The following MELK variants were observed in gnomAD, a reference collection of about 807,000 sequenced individuals.
MELK encodes maternal embryonic leucine zipper kinase, also known as pEg3 kinase.
Under a neutral mutation model 85.0 loss-of-function variants are expected in MELK, and 81 were observed. That is an observed-to-expected ratio of 0.95 (90% CI 0.80 to 1.15). The LOEUF is 1.15. MELK is among the 50% of genes most tolerant of loss of function. The probability of loss-of-function intolerance (pLI) is 0.00; values close to 1 mark genes in which losing one functional copy is unlikely to be tolerated. For missense variants in MELK, 754 were observed against 777.5 expected, an observed-to-expected ratio of 0.97 and a Z score of 0.36; for synonymous variants, 252 against 265.0, an observed-to-expected ratio of 0.95 and a Z score of 0.48.
intron 6 of MELK, among the ~76,000 whole-genome samples, chr9:36,598,270 G>A (rs927388019): frequency 6.6e-6 from 1 of 151,826 alleles, no homozygotes; most frequent in East Asian, 1.9e-4. Context: ...GTTCTCCATG[G>A]GAGGCAGTGG....
At chr9:36,653,886 T>A (rs1042602297) in intron 12 of MELK, among the ~76,000 whole-genome samples, 6 of 152,208 alleles carry the variant, frequency 3.9e-5, no homozygotes, top group Non-Finnish European at 5.9e-5. Flanking sequence ...TTAGATCTCC[T>A]TTTGGTACTC....
At chr9:36,663,165 C>G (rs1235735985) in intron 13 of MELK, among the ~76,000 whole-genome samples, 1 of 151,878 alleles carries the variant, frequency 6.6e-6, no homozygotes, top group Non-Finnish European at 1.5e-5. Context: ...ACTGCAACCT[C>G]TGCTTCCCAG....
At chr9:36,614,431 T>TTTTGG (rs796320448) in intron 8 of MELK, among the ~76,000 whole-genome samples, 1 of 109,150 alleles carries the variant, frequency 9.2e-6, no homozygotes. Context: ...TTGGGTTTTT[T>TTTTGG]TTTTTTTTTT....
intron 7 of MELK, among the ~76,000 whole-genome samples, chr9:36,605,910 G>C (rs933754829): frequency 1.1e-4 from 16 of 148,752 alleles, no homozygotes; most frequent in Non-Finnish European, 1.8e-4. Context: ...CTGAGATTGT[G>C]CCACTGCACC....
At chr9:36,582,004 G>C (rs1388549087) in intron 2 of MELK, among the ~76,000 whole-genome samples, 2 of 151,200 alleles carry the variant, frequency 1.3e-5, no homozygotes, top group Non-Finnish European at 2.9e-5. Context: ...GTCTCACTCT[G>C]TCGCCCAGGC....
intron 8 of MELK, among the ~76,000 whole-genome samples, chr9:36,612,446 C>T (rs1379850931): frequency 3.9e-5 from 6 of 152,064 alleles, no homozygotes; most frequent in African/African-American, 1.4e-4. Context: ...AGTGCAGTGG[C>T]GCCATCTTGG....
At chr9:36,642,077 T>C (rs1313265150) in intron 10 of MELK, among the ~76,000 whole-genome samples, 2 of 152,178 alleles carry the variant, frequency 1.3e-5, no homozygotes, top group African/African-American at 4.8e-5. Flanking sequence ...GCCCTACCTT[T>C]AGTGAGGTAC....
rs137931572 is a variant in MELK, at chr9:36,628,499, G to A, written c.667-1800G>A. On this transcript the variant is annotated intron_variant, in intron 8 of 17. Transcript: ENST00000298048. ...CAGTGGCGTAATCTCAGCTCACTGCGACCTCCACCTCCCGGATTCAAGCAA... is the reference window on the plus strand; with the variant it reads ...CAGTGGCGTAATCTCAGCTCACTGCAACCTCCACCTCCCGGATTCAAGCAA... 9.2e-3 allele frequency among the ~76,000 whole-genome samples: 1,401 copies of A among 151,590 alleles called. 24 individuals carry two copies. Among genetic ancestry groups the A allele is most frequent in the African/African-American group, 0.03 (1,249 of 41,308 alleles).
intron 5 of MELK, among the ~76,000 whole-genome samples, chr9:36,596,152 G>A (rs1824208724): frequency 6.6e-6 from 1 of 151,806 alleles, no homozygotes; most frequent in African/African-American, 2.4e-5. Context: ...TACTGAACTC[G>A]TCGATTTCAA....
intron 8 of MELK, among the ~76,000 whole-genome samples, chr9:36,615,611 A>G (rs1236384996): frequency 1.5e-3 from 187 of 125,478 alleles, no homozygotes; most frequent in African/African-American, 7.0e-3. Flanking sequence ...GGTGGTTGCC[A>G]GGCAGAGGGT....
chr9:36,584,688 G>A (rs1416466676), intron 3 of MELK, among the ~76,000 whole-genome samples: 1 of 149,878 alleles, frequency 6.7e-6, no homozygotes, highest in East Asian at 2.0e-4. Flanking sequence ...TGGTACTATA[G>A]ATAGGCAAAT....
intron 7 of MELK, among the ~76,000 whole-genome samples, chr9:36,602,041 A>G (rs554945056): frequency 5.8e-4 from 88 of 152,234 alleles, no homozygotes; most frequent in Admixed American, 1.6e-3. Context: ...TGAGTGTACA[A>G]GTATCTCTTT....
chr9:36,648,821 C>T (rs550549289), intron 11 of MELK, among the ~76,000 whole-genome samples: 26 of 152,282 alleles, frequency 1.7e-4, no homozygotes, highest in Admixed American at 1.0e-3. Flanking sequence ...TAGAACCTCT[C>T]ATCAGCTGTG....
At chr9:36,673,426 T>C (rs1473497631) in intron 16 of MELK, among the ~76,000 whole-genome samples, 2 of 152,116 alleles carry the variant, frequency 1.3e-5, no homozygotes, top group East Asian at 3.8e-4. Flanking sequence ...TTTATTTTAT[T>C]TTATTTGTTG....
chr9:36,611,144 C>T (rs191769018), intron 8 of MELK, among the ~76,000 whole-genome samples: 11 of 152,276 alleles, frequency 7.2e-5, no homozygotes, highest in East Asian at 1.9e-4. Flanking sequence ...AAGGGATACT[C>T]GGCTTGTATT....
intron 8 of MELK, among the ~76,000 whole-genome samples, chr9:36,609,167 T>G (rs1825851024): frequency 1.3e-5 from 2 of 152,116 alleles, no homozygotes; most frequent in South Asian, 2.1e-4. Flanking sequence ...GTTTTCTTTT[T>G]GGGATGATGA....
intron 12 of MELK, among the ~76,000 whole-genome samples, chr9:36,654,297 T>C (rs1831001565): frequency 6.6e-6 from 1 of 151,210 alleles, no homozygotes; most frequent in Admixed American, 6.6e-5. Flanking sequence ...TTTTAAAATT[T>C]ACGACACCTC....
chr9:36,665,822 T>C (rs1438684843), intron 14 of MELK, among the ~76,000 whole-genome samples: 1 of 152,210 alleles, frequency 6.6e-6, no homozygotes, highest in Non-Finnish European at 1.5e-5. Flanking sequence ...CATAGCATCC[T>C]AGGATATCAA....
chr9:36,664,042 C>T (rs929604836), intron 13 of MELK, among the ~76,000 whole-genome samples: 20 of 152,184 alleles, frequency 1.3e-4, no homozygotes, highest in African/African-American at 4.6e-4. Flanking sequence ...TCTGTCTTGG[C>T]TACATTCAGA....
Sources: allele counts gnomAD v4.1 joint callset (sites outside exome capture counted in the v4.1 genomes callset), GRCh38; gene constraint gnomAD v4.1.1; transcripts MANE v1.5; gene names NCBI Gene and HGNC (gene_info 2026-07-23, HGNC 2026-07-21).